The following MAN1A1 variants were observed in gnomAD, a reference collection of about 807,000 sequenced individuals.
MAN1A1 encodes the protein mannosidase alpha class 1A member 1, also known as mannosyl-oligosaccharide 1,2-alpha-mannosidase IA.
A neutral mutation model predicts 70.8 loss-of-function variants in MAN1A1; 29 were observed. The ratio of observed to expected loss-of-function variants is 0.41; its 90% CI spans 0.31 to 0.56. The LOEUF (loss-of-function observed/expected upper bound fraction) is 0.56, where lower values mean the gene tolerates loss of function less well. Ranked by LOEUF, MAN1A1 falls within the 20% of genes least tolerant of loss-of-function variation. MAN1A1 has a pLI of 0.29. For synonymous variants in MAN1A1, 349 were observed against 330.1 expected (o/e 1.06, Z -0.62); for missense variants, 747 against 841.3 (o/e 0.89, Z 1.39).
intron 2 of MAN1A1, among the ~76,000 whole-genome samples, chr6:119,336,429 T>C (rs765069069): frequency 1.1e-4 from 16 of 152,184 alleles, no homozygotes; most frequent in Non-Finnish European, 2.1e-4. Flanking sequence ...TCTGAATCAT[T>C]ACTTTATAGG....
chr6:119,342,583 G>A (rs1457341478), intron 2 of MAN1A1, among the ~76,000 whole-genome samples: 1 of 152,198 alleles, frequency 6.6e-6, no homozygotes, highest in African/African-American at 2.4e-5. Flanking sequence ...GCCAGATTCA[G>A]ACCCACGTTA....
chr6:119,203,524 A>G (rs980361923), intron 7 of MAN1A1, among the ~76,000 whole-genome samples: 9 of 152,170 alleles, frequency 5.9e-5, no homozygotes, highest in African/African-American at 2.2e-4. Flanking sequence ...GAGTGTCATG[A>G]GAAGGCTGAG....
intron 2 of MAN1A1, among the ~76,000 whole-genome samples, chr6:119,325,708 AC>A (rs757574141): frequency 1.1e-4 from 16 of 152,042 alleles, no homozygotes; most frequent in Admixed American, 2.0e-4. Flanking sequence ...TACTTTAAAT[AC>A]CCCTATTGAG....
chr6:119,344,700 G>A (rs752828895), intron 2 of MAN1A1, among the ~76,000 whole-genome samples: 1 of 152,198 alleles, frequency 6.6e-6, no homozygotes, highest in Non-Finnish European at 1.5e-5. Flanking sequence ...AACCTGCCAA[G>A]GCAGATTATT....
chr6:119,226,328 G>A (rs1031317425), intron 6 of MAN1A1, among the ~76,000 whole-genome samples: 1 of 152,186 alleles, frequency 6.6e-6, no homozygotes, highest in Admixed American at 6.5e-5. Context: ...CAAGGGTGAC[G>A]CACAGCAGCC....
chr6:119,339,657 G>A (rs1197380656), intron 2 of MAN1A1, among the ~76,000 whole-genome samples: 1 of 151,872 alleles, frequency 6.6e-6, no homozygotes, highest in Non-Finnish European at 1.5e-5. Flanking sequence ...GCAGACATGA[G>A]TTTATAAAGC....
At chr6:119,340,961 G>T (rs764398963) in intron 2 of MAN1A1, among the ~76,000 whole-genome samples, 5 of 152,184 alleles carry the variant, frequency 3.3e-5, no homozygotes, top group Non-Finnish European at 5.9e-5. Flanking sequence ...AAACACGAGC[G>T]AGAAGGAGTC....
At position 119,180,397 on chromosome 6, in the gene MAN1A1, C is replaced by T. The variant is rs773125404; in HGVS notation, c.1750G>A (p.Gly584Ser). 6.2e-7 allele frequency: 1 copy of T among 1,612,810 alleles called. No individual in the cohort carries two copies. The highest frequency in any genetic ancestry group is 8.5e-7 in the Non-Finnish European group (1 of 1,179,084). Residue 584 changes from glycine to serine, a missense_variant, in exon 12 of 13, where the codon GGC becomes AGC. Gly to Ser is a moderately conservative substitution (Grantham distance 56). Coordinates refer to ENST00000368468, the MANE Select transcript of MAN1A1 (RefSeq NM_005907.4). ...TAAACATCCCTTAGGCCTGAATAGC[C>T]TCCATTCACTCTGCAATGGTTTTCC... is the stretch of plus-strand genomic sequence containing the variant. ...ALENHCRVNG[G>S]YSGLRDVYLL...
chr6:119,196,539 A>G, intron 8 of MAN1A1, among the ~76,000 whole-genome samples: 1 of 152,154 alleles, frequency 6.6e-6, no homozygotes, highest in East Asian at 1.9e-4. Flanking sequence ...TGGTATTTTT[A>G]TGTCCAACTG....
At chr6:119,280,898 C>G (rs989237831) in intron 5 of MAN1A1, among the ~76,000 whole-genome samples, 2 of 152,144 alleles carry the variant, frequency 1.3e-5, no homozygotes, top group Non-Finnish European at 2.9e-5. Context: ...ACCTAGTGAG[C>G]ACTGAAATCA....
chr6:119,271,432 C>T (rs888513099), intron 5 of MAN1A1, among the ~76,000 whole-genome samples: 1 of 152,124 alleles, frequency 6.6e-6, no homozygotes, highest in African/African-American at 2.4e-5. Flanking sequence ...GTTCTTTCCA[C>T]CCTATAAGAG....
At chr6:119,219,627 C>A (rs1774302551) in intron 6 of MAN1A1, among the ~76,000 whole-genome samples, 1 of 145,488 alleles carries the variant, frequency 6.9e-6, no homozygotes, top group Admixed American at 6.8e-5. Flanking sequence ...GACATCTACT[C>A]AAAAAAAAAA....
chr6:119,219,418 C>T (rs1445825568), intron 6 of MAN1A1, among the ~76,000 whole-genome samples: 1 of 152,122 alleles, frequency 6.6e-6, no homozygotes, highest in Non-Finnish European at 1.5e-5. Flanking sequence ...ACAGCAATTT[C>T]CTGATCTATA....
intron 5 of MAN1A1, among the ~76,000 whole-genome samples, chr6:119,281,685 C>T (rs1776228216): frequency 6.6e-6 from 1 of 152,184 alleles, no homozygotes; most frequent in African/African-American, 2.4e-5. Context: ...CTATTTCTCA[C>T]TGATGTGAAT....
Position 119,349,158 on chromosome 6 carries a change from T to G in MAN1A1, c.-93A>C. The G allele has an allele frequency of 3.2e-6, 4 of 1,232,786 alleles. No homozygotes were observed. Among genetic ancestry groups the G allele is most frequent in the Non-Finnish European group, 4.0e-6 (4 of 989,322 alleles). The allele number at this position is 1,232,786 out of a possible 1,614,324, so 76.4% of individuals were successfully genotyped here. The stretch of plus-strand genomic sequence containing the variant: ...CGCGGCTGCGGGGCTGGGTCCTGCG[T>G]AGCCAGGCCGCCCGACCCCCTCGGC... On this transcript the variant is annotated 5_prime_UTR_variant, in exon 2 of 13. Coordinates refer to ENST00000368468, the MANE Select transcript of MAN1A1 (RefSeq NM_005907.4).
At chr6:119,336,065 A>T (rs1773442812) in intron 2 of MAN1A1, among the ~76,000 whole-genome samples, 2 of 151,924 alleles carry the variant, frequency 1.3e-5, no homozygotes, top group Non-Finnish European at 2.9e-5. Flanking sequence ...GGCTTTCAAA[A>T]TTTTTTTATT....
rs544282880 is a variant in MAN1A1 at position 119,345,206 on chromosome 6, G to C, written c.603+3257C>G. Among the ~76,000 whole-genome samples the C allele has an allele frequency of 5.9e-5, 9 of 151,430 alleles. No individual in the cohort carries two copies. The East Asian group carries it at 1.7e-3, about 29-fold the overall frequency. On this transcript the variant is annotated intron_variant, in intron 2 of 12. Transcript: ENST00000368468. ...GGAGAGGTTGAGGGGGGGGCGGAGC[G>C]GGGGAGAAGGGAAGCTAAAAATGAT...
chr6:119,284,964 G>T (rs1271396506), intron 5 of MAN1A1, among the ~76,000 whole-genome samples: 2 of 151,998 alleles, frequency 1.3e-5, no homozygotes, highest in Non-Finnish European at 2.9e-5. Context: ...AAGAAAAGAG[G>T]TTTATTTTGG....
Position 119,348,949 on chromosome 6 carries a change from C to G in MAN1A1, c.117G>C (p.Thr39=). Residue 39 remains threonine (T), a synonymous_variant, in exon 2 of 13, where the codon ACG becomes ACC. Coordinates refer to ENST00000368468, the MANE Select transcript of MAN1A1 (RefSeq NM_005907.4). ...KGSGPAALRL[T]EKFVLLLVFS... ...ATACCAGCAGCAGCACGAACTTCTCCGTCAGGCGGAGGGCGGCGGGGCCCG... is the reference window on the plus strand; with the variant it reads ...ATACCAGCAGCAGCACGAACTTCTCGGTCAGGCGGAGGGCGGCGGGGCCCG... 1.3e-6 allele frequency: 2 copies of G among 1,529,970 alleles called. No individual in the cohort carries two copies. The highest frequency in any genetic ancestry group is 1.8e-6 in the Non-Finnish European group (2 of 1,138,292). 94.8% of individuals were successfully genotyped at this position (1,529,970 alleles called of 1,614,324 possible).
Sources: allele counts gnomAD v4.1 joint callset (sites outside exome capture counted in the v4.1 genomes callset), GRCh38; gene constraint gnomAD v4.1.1; transcripts MANE v1.5; gene names NCBI Gene and HGNC (gene_info 2026-07-23, HGNC 2026-07-21).